Variants in TSHZ2 observed in about 807,000 individuals in gnomAD.
TSHZ2 encodes teashirt homolog 2.
TSHZ2 carries 21 observed loss-of-function variants against 74.4 expected under a neutral mutation model. The ratio of observed to expected loss-of-function variants is 0.28; its 90% confidence interval spans 0.20 to 0.41. The LOEUF (loss-of-function observed/expected upper bound fraction) is 0.41, where lower values mean the gene tolerates loss of function less well. Ranked by LOEUF, TSHZ2 falls within the 10% of genes least tolerant of loss-of-function variation. The pLI is 1.00. For synonymous variants in TSHZ2, 540 were observed against 515.3 expected (o/e 1.05, Z -0.65); for missense variants, 1,244 against 1,293.5 (o/e 0.96, Z 0.59).
At chr20:53,114,098 GA>G (rs3971634) in intron 1 of TSHZ2, among the ~76,000 whole-genome samples, 14,008 of 120,322 alleles carry the variant, frequency 0.12, 1,400 homozygotes, top group East Asian at 0.4. Context: ...TGTCTCTTAT[GA>G]AAAAAAAAAA....
intron 1 of TSHZ2, among the ~76,000 whole-genome samples, chr20:52,981,993 A>C (rs1981585523): frequency 6.6e-6 from 1 of 152,218 alleles, no homozygotes; most frequent in Admixed American, 6.5e-5. Flanking sequence ...TATACAAAGA[A>C]ATTTATAAAG....
intron 1 of TSHZ2, among the ~76,000 whole-genome samples, chr20:53,194,446 A>G (rs1988811253): frequency 6.6e-6 from 1 of 152,152 alleles, no homozygotes; most frequent in African/African-American, 2.4e-5. Flanking sequence ...TCTCTCCTTT[A>G]TCTTTGTCAG....
At chr20:53,359,236 T>C (rs1302504298) in intron 2 of TSHZ2, among the ~76,000 whole-genome samples, 1 of 152,190 alleles carries the variant, frequency 6.6e-6, no homozygotes, top group Non-Finnish European at 1.5e-5. Flanking sequence ...CAGACCTTCA[T>C]TCATAAAAAG....
At chr20:53,075,920 A>G (rs751202444) in intron 1 of TSHZ2, among the ~76,000 whole-genome samples, 1 of 152,172 alleles carries the variant, frequency 6.6e-6, no homozygotes, top group Non-Finnish European at 1.5e-5. Context: ...AACTGCATTC[A>G]GTCTGGAGAC....
intron 1 of TSHZ2, among the ~76,000 whole-genome samples, chr20:52,992,607 A>G (rs1982034466): frequency 6.6e-6 from 1 of 152,112 alleles, no homozygotes; most frequent in Non-Finnish European, 1.5e-5. Flanking sequence ...AATGAAGGGG[A>G]AAAAAATCTT....
At chr20:53,452,546 C>G (rs1984835904) in intron 2 of TSHZ2, among the ~76,000 whole-genome samples, 1 of 149,546 alleles carries the variant, frequency 6.7e-6, no homozygotes, top group African/African-American at 2.5e-5. Context: ...CTGCAGTGAG[C>G]TAAGATTGAG....
chr20:53,454,338 C>A (rs1210268578), intron 2 of TSHZ2, among the ~76,000 whole-genome samples: 1 of 151,948 alleles, frequency 6.6e-6, no homozygotes. Flanking sequence ...CCAAGGCAGG[C>A]AGATCACGAG....
chr20:53,346,802 G>A (rs938017362), intron 2 of TSHZ2, among the ~76,000 whole-genome samples: 5 of 152,204 alleles, frequency 3.3e-5, no homozygotes, highest in African/African-American at 1.2e-4. Context: ...TACAAAAAGG[G>A]GAGTTAAACC....
At chr20:53,069,666 C>T (rs1285293315) in intron 1 of TSHZ2, among the ~76,000 whole-genome samples, 2 of 4,864 alleles carry the variant, frequency 4.1e-4, no homozygotes, top group African/African-American at 1.8e-3. Flanking sequence ...CTTTGATACA[C>T]ACACACACAC....
chr20:53,258,043 T>C (rs562967038), intron 2 of TSHZ2, among the ~76,000 whole-genome samples: 2 of 152,330 alleles, frequency 1.3e-5, no homozygotes, highest in South Asian at 4.1e-4. Context: ...TTAAAATATC[T>C]GACCTGGGAC....
chr20:53,215,262 A>C (rs1273847104), intron 1 of TSHZ2, among the ~76,000 whole-genome samples: 2 of 152,186 alleles, frequency 1.3e-5, no homozygotes, highest in East Asian at 1.9e-4. Flanking sequence ...CAAGATCACA[A>C]CACCACTTCC....
intron 2 of TSHZ2, among the ~76,000 whole-genome samples, chr20:53,335,564 G>T (rs145483128): frequency 6.6e-6 from 1 of 152,340 alleles, no homozygotes; most frequent in African/African-American, 2.4e-5. Flanking sequence ...TAGGAAAATT[G>T]CCTTGGGTCA....
chr20:53,167,329 G>C (rs2123476779), intron 1 of TSHZ2, among the ~76,000 whole-genome samples: 1 of 152,272 alleles, frequency 6.6e-6, no homozygotes, highest in East Asian at 1.9e-4. Context: ...TTTCTCTTCT[G>C]ATCTTCACAC....
At chr20:53,112,753 G>A (rs1398581108) in intron 1 of TSHZ2, among the ~76,000 whole-genome samples, 1 of 152,150 alleles carries the variant, frequency 6.6e-6, no homozygotes, top group East Asian at 1.9e-4. Flanking sequence ...GAATTCTTGA[G>A]CACAAGTCAT....
At position 53,118,459 on chromosome 20, in the gene TSHZ2, G is replaced by A. The variant is rs1235688895; in HGVS notation, c.41-135040G>A. On this transcript the variant is annotated intron_variant, in intron 1 of 2. Transcript: ENST00000371497. ...ACTTACGAGAGAGTGAGGAAAGCAG[G>A]ACAGGGCAGGAGAAAGATGAGTGGA... Among the ~76,000 whole-genome samples, 3 of 152,124 alleles carry A rather than the reference G, an allele frequency of 2.0e-5. No homozygotes were observed. In the East Asian group the frequency reaches 5.8e-4, roughly 29 times the overall value.
At chr20:53,267,041 G>A (rs1263033690) in intron 2 of TSHZ2, among the ~76,000 whole-genome samples, 1 of 152,222 alleles carries the variant, frequency 6.6e-6, no homozygotes, top group Non-Finnish European at 1.5e-5. Flanking sequence ...GCCTCCCAAA[G>A]TGCTGGGATT....
intron 1 of TSHZ2, among the ~76,000 whole-genome samples, chr20:53,022,358 G>T (rs79222419): frequency 1.4e-3 from 214 of 152,260 alleles, no homozygotes; most frequent in East Asian, 0.013. Flanking sequence ...GAGCTCAGCA[G>T]GTTGACAGTG....
Position 53,291,489 on chromosome 20 carries a change from AAAG to A in TSHZ2, c.*8+34920_*8+34922del, listed in dbSNP as rs200661094. Among the ~76,000 whole-genome samples the A allele has an allele frequency of 8.0e-4, 120 of 150,238 alleles. 2 individuals are homozygous for A. Among genetic ancestry groups the A allele is most frequent in the South Asian group, 7.1e-3 (33 of 4,676 alleles). On this transcript the variant is annotated intron_variant, in intron 2 of 2. Coordinates refer to ENST00000371497, the MANE Select transcript of TSHZ2 (RefSeq NM_173485.6). ...CTCTGTCTCAAAAAAAAAAAAAAAAAAAGATCAAGAGCAAAATTGTGGGTTCAG... is the reference window on the plus strand; with the variant it reads ...CTCTGTCTCAAAAAAAAAAAAAAAAAATCAAGAGCAAAATTGTGGGTTCAG...
chr20:53,235,162 G>GTGTT (rs368062401), intron 1 of TSHZ2, among the ~76,000 whole-genome samples: 198 of 149,970 alleles, frequency 1.3e-3, no homozygotes, highest in African/African-American at 4.7e-3. Context: ...GGGGGAGGGC[G>GTGTT]TGTTTGTTTG....
Sources: allele counts gnomAD v4.1 joint callset (sites outside exome capture counted in the v4.1 genomes callset), GRCh38; gene constraint gnomAD v4.1.1; transcripts MANE v1.5; gene names NCBI Gene and HGNC (gene_info 2026-07-23, HGNC 2026-07-21).